HGF: variants seen among roughly 807,000 people sequenced by gnomAD.
The protein encoded by HGF is fibroblast-derived tumor cytotoxic factor.
In HGF, 39 loss-of-function variants were observed where a neutral mutation model predicts 111.6. The ratio of observed to expected loss-of-function variants is 0.35; its 90% CI spans 0.27 to 0.46. The LOEUF (loss-of-function observed/expected upper bound fraction) is 0.46, where lower values mean the gene tolerates loss of function less well. HGF is among the 20% of genes least tolerant of loss of function. HGF has a pLI of 1.00. For synonymous variants in HGF, 285 were observed against 294.8 expected, an observed-to-expected ratio of 0.97 and a Z score of 0.34; for missense variants, 735 against 910.5, an observed-to-expected ratio of 0.81 and a Z score of 2.48.
chr7:81,707,349 G>A lies in HGF; in HGVS notation c.1557C>T (p.Cys519=), dbSNP rs1258858592. 13 of 1,591,236 alleles carry A rather than the reference G, an allele frequency of 8.2e-6. No individual in the cohort carries two copies. Among genetic ancestry groups the A allele is most frequent in the East Asian group, 2.2e-5 (1 of 44,700 alleles). The part of the protein sequence containing the change: ...VSLRYRNKHI[C]GGSLIKESWV... ...AACTCTCCTTTATCAATGATCCTCC[G>A]CAGATATGTTTATTTCTGTGAAAAA... The change falls in exon 14 of 18, where the codon TGC becomes TGT. Residue 519 remains cysteine, a synonymous_variant. Coordinates refer to ENST00000222390, the MANE Select transcript of HGF (RefSeq NM_000601.6).
In HGF at chr7:81,710,291, A is replaced by G. The variant is rs1169906220; in HGVS notation, c.1445-48T>C. On this transcript the variant is annotated intron_variant, in intron 12 of 17. Transcript: ENST00000222390. ...ATTTTTTAAAATAAGAATTTGAAAT[A>G]ATCAGTGCCTCTTAGTTTTCTTAAA... 3 of 1,196,910 alleles carry G rather than the reference A, an allele frequency of 2.5e-6. No homozygotes were observed. In the African/African-American group the frequency reaches 4.5e-5, roughly 18 times the overall value. The allele number at this position is 1,196,910 out of a possible 1,614,324, so 74.1% of individuals were successfully genotyped here.
intron 10 of HGF, among the ~76,000 whole-genome samples, chr7:81,719,414 AC>A (rs1789796225): frequency 6.6e-6 from 1 of 151,996 alleles, no homozygotes; most frequent in Non-Finnish European, 1.5e-5. Context: ...AAGTCCTAGA[AC>A]TCCAGTGTCA....
At chr7:81,716,777 T>C (rs1789723499) in intron 11 of HGF, among the ~76,000 whole-genome samples, 1 of 152,124 alleles carries the variant, frequency 6.6e-6, no homozygotes, top group African/African-American at 2.4e-5. Flanking sequence ...TCTTCTTTAG[T>C]CTTAAATTAA....
chr7:81,744,899 C>T lies in HGF; in HGVS notation c.746+101G>A, dbSNP rs5745667. On this transcript the variant is annotated intron_variant, in intron 6 of 17. Transcript: ENST00000222390. ...TCTAAATGTTATGTTCATGTCCTAT[C>T]GGGAAAACATAATATAAAGAGAATT... 14 of 1,297,744 alleles carry T rather than the reference C, an allele frequency of 1.1e-5. No individual in the cohort carries two copies. The South Asian group carries it at 1.1e-4, about 10-fold the overall frequency. 80.4% of individuals were successfully genotyped at this position (1,297,744 alleles called of 1,614,324 possible).
Position 81,706,331 on chromosome 7 carries a change from T to A in HGF, c.1713A>T (p.Val571=). The A allele has an allele frequency of 6.2e-7, 1 of 1,612,704 alleles. No homozygotes were observed. The highest frequency in any genetic ancestry group is 2.2e-5 in the East Asian group (1 of 44,828). Residue 571 remains valine, a synonymous_variant, in exon 15 of 18, where the codon GTA becomes GTT. Transcript: ENST00000222390. ...CKQVLNVSQL[V]YGPEGSDLVL... is the part of the protein sequence containing the mutation. ...CCAGATCTGATCCTTCAGGGCCATA[T>A]ACCAGCTGGGAAACATTGAGAACCT...
At chr7:81,751,966 A>G (rs1788526500) in intron 5 of HGF, 154 bp downstream of exon 5, 27 of 1,437,550 alleles carry the variant, frequency 1.9e-5, no homozygotes, top group South Asian at 6.0e-5. Flanking sequence ...TTTTAAAAAC[A>G]TTGTATAAAA....
rs1456950423 is a variant in HGF at position 81,711,467 on chromosome 7, G to T, written c.1444+14C>A. ...AGACTCAGAATATACTTTATATTGT[G>T]AAATATTACTTACGGTCTAAATTGA... On this transcript the variant is annotated intron_variant, in intron 12 of 17. Transcript: ENST00000222390. 1 of 1,430,678 alleles carries T rather than the reference G, an allele frequency of 7.0e-7. No individual in the cohort carries two copies. Among genetic ancestry groups the T allele is most frequent in the South Asian group, 1.2e-5 (1 of 82,714 alleles). The allele number at this position is 1,430,678 out of a possible 1,614,324, so 88.6% of individuals were successfully genotyped here.
chr7:81,740,740 T>A (rs1345198324), intron 7 of HGF, among the ~76,000 whole-genome samples: 1 of 152,172 alleles, frequency 6.6e-6, no homozygotes, highest in Non-Finnish European at 1.5e-5. Context: ...AGAATTAAAC[T>A]GCAGCCTTAA....
chr7:81,713,879 A>C (rs1306428422), intron 11 of HGF, among the ~76,000 whole-genome samples: 1 of 152,158 alleles, frequency 6.6e-6, no homozygotes, highest in African/African-American at 2.4e-5. Context: ...TCATGTCTAC[A>C]AAAATATATG....
Position 81,725,997 on chromosome 7 carries a change from C to T in HGF, c.1061G>A (p.Cys354Tyr). The T allele has an allele frequency of 6.2e-7, 1 of 1,613,998 alleles. No homozygotes were observed. The highest frequency in any genetic ancestry group is 8.5e-7 in the Non-Finnish European group (1 of 1,179,908). The change falls in exon 9 of 18, where the codon TGC becomes TAC. Residue 354 changes from cysteine to tyrosine, a missense_variant. By Grantham distance (194) the Cys-to-Tyr change is radical. Around this residue, in one of 3 missense-constraint regions of HGF, gnomAD observed 553 missense variants for 685.6 expected, o/e 0.81. Coordinates refer to ENST00000222390, the MANE Select transcript of HGF (RefSeq NM_000601.6). Reference sequence around the variant, plus strand: ...TGATTCAGACCCATCTGGATTTCGGCAGTAATTTTCTCGTAGGTCCCTATT... The same window carrying T: ...TGATTCAGACCCATCTGGATTTCGGTAGTAATTTTCTCGTAGGTCCCTATT... Reference protein sequence around the residue: ...FKCKDLRENYCRNPDGSESPW... With the variant: ...FKCKDLRENYYRNPDGSESPW...
intron 2 of HGF, among the ~76,000 whole-genome samples, chr7:81,759,858 C>A (rs780995665): frequency 6.6e-6 from 1 of 152,102 alleles, no homozygotes; most frequent in Non-Finnish European, 1.5e-5. Flanking sequence ...AGACATACCA[C>A]CCCTACTATT....
chr7:81,726,440 T>C (rs1448064414), intron 8 of HGF, among the ~76,000 whole-genome samples: 1 of 152,222 alleles, frequency 6.6e-6, no homozygotes, highest in Non-Finnish European at 1.5e-5. Flanking sequence ...AAGGTTATTA[T>C]CAATAGTAAT....
chr7:81,708,526 T>TTTC (rs1473064765), intron 13 of HGF, among the ~76,000 whole-genome samples: 3 of 121,066 alleles, frequency 2.5e-5, no homozygotes, highest in African/African-American at 1.0e-4. Flanking sequence ...CCTTCCTTCT[T>TTTC]TTTTTTTTTT....
intron 2 of HGF, 132 bp downstream of exon 2, chr7:81,762,575 T>A (rs1789140397): frequency 1.3e-6 from 1 of 761,494 alleles, no homozygotes; most frequent in African/African-American, 1.7e-5. Context: ...TCGTTTGTAG[T>A]GAGTTAAATC....
intron 7 of HGF, among the ~76,000 whole-genome samples, chr7:81,736,141 T>C (rs555417796): frequency 6.6e-6 from 1 of 152,242 alleles, no homozygotes; most frequent in South Asian, 2.1e-4. Context: ...GGCACTTAAG[T>C]ATAGTAGTTC....
At chr7:81,733,360 T>C (rs1787726079) in intron 7 of HGF, among the ~76,000 whole-genome samples, 1 of 151,972 alleles carries the variant, frequency 6.6e-6, no homozygotes, top group Non-Finnish European at 1.5e-5. Flanking sequence ...TATTAAGATG[T>C]AAAGAATCTA....
rs1789216412 is a variant in HGF at position 81,699,103 on chromosome 7, A to G, written c.*3478T>C. 1 of 151,502 alleles carries G rather than the reference A, an allele frequency of 6.6e-6. No individual in the cohort carries two copies. The highest frequency in any genetic ancestry group is 2.4e-5 in the African/African-American group (1 of 41,396). 9.4% of individuals were successfully genotyped at this position (151,502 alleles called of 1,614,324 possible). On this transcript the variant is annotated 3_prime_UTR_variant, in exon 18 of 18. Transcript: ENST00000222390. ...ACAGAAAGTTTATAATACAAGTCATAACCACAGTGTTCCCTTTTTTGGGTA... is the reference window on the plus strand; with the variant it reads ...ACAGAAAGTTTATAATACAAGTCATGACCACAGTGTTCCCTTTTTTGGGTA...
At chr7:81,714,986 A>G (rs1562875833) in intron 11 of HGF, among the ~76,000 whole-genome samples, 1 of 152,116 alleles carries the variant, frequency 6.6e-6, no homozygotes, top group Admixed American at 6.5e-5. Flanking sequence ...AACCCCCTCA[A>G]GTCTTTCAAC....
rs1180429681 is a variant in HGF at position 81,707,375 on chromosome 7, G to C, written c.1542-11C>G. 1 of 1,538,936 alleles carries C rather than the reference G, an allele frequency of 6.5e-7. No individual in the cohort carries two copies. The highest frequency in any genetic ancestry group is 9.0e-7 in the Non-Finnish European group (1 of 1,112,628). On this transcript the variant is annotated splice_polypyrimidine_tract_variant and intron_variant, in intron 13 of 17. Transcript: ENST00000222390. The stretch of plus-strand genomic sequence containing the variant: ...CAGATATGTTTATTTCTGTGAAAAA[G>C]AGGAAAGAGAAACAAGTAACATCTG...
Sources: gnomAD v4.1 joint callset for allele counts (sites outside exome capture counted in the v4.1 genomes callset) on GRCh38, gnomAD v4.1.1 for gene constraint, gnomAD v4.1.1 regional missense constraint, MANE v1.5 for transcripts, NCBI Gene and HGNC (gene_info 2026-07-23, HGNC 2026-07-21) for gene names.